The following ADGRL2 variants were observed in gnomAD, a reference collection of about 807,000 sequenced individuals.
The protein encoded by ADGRL2 is adhesion G protein-coupled receptor L2, also known as calcium-independent alpha-latrotoxin receptor 2.
Under a neutral mutation model 157.4 loss-of-function variants are expected in ADGRL2, and 44 were observed. That is an observed-to-expected ratio of 0.28 (90% CI 0.22 to 0.36). ADGRL2 has a LOEUF of 0.36. Ranked by LOEUF, ADGRL2 falls within the 10% of genes least tolerant of loss-of-function variation. ADGRL2 has a pLI of 1.00. For synonymous variants in ADGRL2, 585 were observed against 624.7 expected (o/e 0.94, Z 0.95); for missense variants, 1,510 against 1,768.9 (o/e 0.85, Z 2.63).
rs564936640 is a variant in ADGRL2 at position 81,450,270 on chromosome 1, G to A, written c.-248+5181G>A. On this transcript the variant is annotated intron_variant, in intron 2 of 24. Coordinates refer to the ADGRL2 transcript ENST00000370721. ...CAAAATTTGACATTGGTCTTGAAACGTTGAGTTTCATTGTGTTGAAAACCC... is the reference window on the plus strand; with the variant it reads ...CAAAATTTGACATTGGTCTTGAAACATTGAGTTTCATTGTGTTGAAAACCC... 1.3e-4 allele frequency among the ~76,000 whole-genome samples: 20 copies of A among 152,222 alleles called. 1 individual carries two copies. Among genetic ancestry groups the A allele is most frequent in the Middle Eastern group, 3.4e-3 (1 of 294 alleles).
At chr1:81,589,233 A>G (rs533141945) in intron 3 of ADGRL2, among the ~76,000 whole-genome samples, 84 of 152,284 alleles carry the variant, frequency 5.5e-4, no homozygotes, top group African/African-American at 1.9e-3. Flanking sequence ...CTCCTTTTCT[A>G]TAAAGTGAGT....
At chr1:81,610,046 GC>G (rs1184190875) in intron 3 of ADGRL2, among the ~76,000 whole-genome samples, 1 of 152,132 alleles carries the variant, frequency 6.6e-6, no homozygotes, top group Non-Finnish European at 1.5e-5. Flanking sequence ...TTCACTGTCA[GC>G]TAACAGCCTC....
chr1:81,658,042 A>T (rs931898263), intron 3 of ADGRL2, among the ~76,000 whole-genome samples: 1 of 152,190 alleles, frequency 6.6e-6, no homozygotes, highest in African/African-American at 2.4e-5. Flanking sequence ...ACTATATATT[A>T]TGTAGTCCAT....
intron 1 of ADGRL2, among the ~76,000 whole-genome samples, chr1:81,315,636 T>C (rs1002461347): frequency 2.0e-5 from 3 of 152,168 alleles, no homozygotes; most frequent in Non-Finnish European, 4.4e-5. Context: ...TCACAGCACA[T>C]TTCTTCTCTT....
rs114060786 is a variant in ADGRL2, at chr1:81,345,038, G to A, written c.-302+38529G>A. 6.9e-3 allele frequency among the ~76,000 whole-genome samples: 1,046 copies of A among 152,226 alleles called. 8 individuals are homozygous for A. Among genetic ancestry groups the A allele is most frequent in the African/African-American group, 0.024 (988 of 41,532 alleles). On this transcript the variant is annotated intron_variant, in intron 1 of 24. Transcript: ENST00000370721. The stretch of plus-strand genomic sequence containing the variant: ...TTTTGAAAGAAATAGTTACATTGAA[G>A]TATAGGTGTGTAACATTTATAATAA...
At chr1:81,625,292 A>G (rs11163341) in intron 3 of ADGRL2, among the ~76,000 whole-genome samples, 41,020 of 151,744 alleles carry the variant, frequency 0.27, 7,166 homozygotes, top group African/African-American at 0.48. Context: ...CCTCTTCCAT[A>G]TCTTCCTCCC....
rs117406908 is a variant in ADGRL2 at position 81,389,171 on chromosome 1, G to A, written c.-301-55865G>A. On this transcript the variant is annotated intron_variant, in intron 1 of 24. Transcript: ENST00000370721. ...AATACAGTATTTTTAGTTGTTTTCAGCATGAAAATCTCTCTGAATAATATA... is the reference window on the plus strand; with the variant it reads ...AATACAGTATTTTTAGTTGTTTTCAACATGAAAATCTCTCTGAATAATATA... Among the ~76,000 whole-genome samples the A allele has an allele frequency of 7.3e-3, 1,110 of 152,154 alleles. 19 individuals are homozygous for A. Among genetic ancestry groups the A allele is most frequent in the South Asian group, 0.055 (265 of 4,820 alleles).
At chr1:81,364,726 G>A (rs543700170) in intron 1 of ADGRL2, among the ~76,000 whole-genome samples, 1 of 151,212 alleles carries the variant, frequency 6.6e-6, no homozygotes, top group South Asian at 2.1e-4. Context: ...TCGAGACAGA[G>A]TCTTGCTCTG....
chr1:81,347,410 AT>A (rs1243422254), intron 1 of ADGRL2, among the ~76,000 whole-genome samples: 5 of 151,976 alleles, frequency 3.3e-5, no homozygotes, highest in Non-Finnish European at 7.4e-5. Flanking sequence ...AAAAAAAAAA[AT>A]TTCTGGTGAG....
rs748535553 is a variant in ADGRL2, at chr1:81,951,981, A to G, written c.1633A>G (p.Ser545Gly). Reference protein sequence around the residue: ...QKIRSGENAASLANELAKHTK... With the variant: ...QKIRSGENAAGLANELAKHTK... ...GATCAGAAGCGGAGAAAATGCTGCT[A>G]GTCTTGCCAATGAACTGGCTAAACA... The change falls in exon 9 of 24, where the codon AGT (serine) becomes GGT (glycine). Residue 545 changes from serine (S) to glycine (G), a missense_variant. Coordinates refer to ENST00000686636, the MANE Select transcript of ADGRL2 (RefSeq NM_001366006.2). The G allele has an allele frequency of 6.2e-7, 1 of 1,608,770 alleles. No homozygotes were observed. Among genetic ancestry groups the G allele is most frequent in the African/African-American group, 1.3e-5 (1 of 74,650 alleles).
intron 1 of ADGRL2, among the ~76,000 whole-genome samples, chr1:81,827,350 A>G (rs1411889638): frequency 6.6e-6 from 1 of 152,168 alleles, no homozygotes; most frequent in Non-Finnish European, 1.5e-5. Flanking sequence ...GCTCTTCGAA[A>G]CCATCATGCT....
chr1:81,909,784 C>T lies in ADGRL2; in HGVS notation c.287+2554C>T, dbSNP rs563667712. On this transcript the variant is annotated intron_variant, in intron 3 of 23. Transcript: ENST00000686636. Reference sequence around the variant, plus strand: ...ATAAGGAAGAGACCAGTTGCCTTTTCTTTAAAATTTAGATGTAAGGAAAAT... The same window carrying T: ...ATAAGGAAGAGACCAGTTGCCTTTTTTTTAAAATTTAGATGTAAGGAAAAT... Among the ~76,000 whole-genome samples the T allele has an allele frequency of 1.1e-3, 163 of 151,596 alleles. 1 individual carries two copies. The South Asian group carries it at 0.011, about 11-fold the overall frequency.
At chr1:81,536,822 CAT>C (rs1039751418) in intron 2 of ADGRL2, among the ~76,000 whole-genome samples, 1 of 152,134 alleles carries the variant, frequency 6.6e-6, no homozygotes, top group Non-Finnish European at 1.5e-5. Flanking sequence ...GGAATATAAT[CAT>C]GTGAAATTCA....
intron 2 of ADGRL2, among the ~76,000 whole-genome samples, chr1:81,477,807 G>A: frequency 6.6e-6 from 1 of 152,160 alleles, no homozygotes; most frequent in East Asian, 1.9e-4. Context: ...TTATTTTAGT[G>A]ATTCAGCTGC....
intron 21 of ADGRL2, 47 bp from the exon 22 acceptor site, chr1:81,986,854 T>G (rs778421470): frequency 1.3e-6 from 2 of 1,573,248 alleles, no homozygotes; most frequent in Non-Finnish European, 8.6e-7. Context: ...AATAAGAAAC[T>G]GATGTACTTT....
At chr1:81,602,063 C>T (rs1165695898) in intron 3 of ADGRL2, among the ~76,000 whole-genome samples, 1 of 152,112 alleles carries the variant, frequency 6.6e-6, no homozygotes, top group Non-Finnish European at 1.5e-5. Flanking sequence ...TGAAGACCTG[C>T]CCCTTCCTGA....
In ADGRL2 at chr1:81,454,638, T is replaced by A. The variant is rs74958332; in HGVS notation, c.-248+9549T>A. Among the ~76,000 whole-genome samples, 163 of 152,218 alleles carry A rather than the reference T, an allele frequency of 1.1e-3. 1 individual carries two copies. The highest frequency in any genetic ancestry group is 3.7e-3 in the African/African-American group (152 of 41,536). ...AATCAGCCAGGAAAAATTTAGCACT[T>A]CGTTGAAAAACACCTGGTGGGAGCA... is the stretch of plus-strand genomic sequence containing the variant. On this transcript the variant is annotated intron_variant, in intron 2 of 24. Transcript: ENST00000370721.
chr1:81,825,657 C>CAAAAAAAA (rs71085375), intron 1 of ADGRL2, among the ~76,000 whole-genome samples: 1 of 86,754 alleles, frequency 1.2e-5, no homozygotes, highest in Non-Finnish European at 2.2e-5. Flanking sequence ...ACCCTGTCTC[C>CAAAAAAAA]AAAAAAAAAA....
intron 3 of ADGRL2, among the ~76,000 whole-genome samples, chr1:81,915,810 G>A (rs1169065283): frequency 6.6e-6 from 1 of 152,082 alleles, no homozygotes; most frequent in Non-Finnish European, 1.5e-5. Context: ...ACGTGAACGT[G>A]AACATTTCAT....
Sources: allele counts gnomAD v4.1 joint callset (sites outside exome capture counted in the v4.1 genomes callset), GRCh38; gene constraint gnomAD v4.1.1; transcripts MANE v1.5; gene names NCBI Gene and HGNC (gene_info 2026-07-23, HGNC 2026-07-21).